Variants in HDAC4 observed in about 807,000 individuals in gnomAD.
The protein encoded by HDAC4 is histone deacetylase A.
In HDAC4, 16 loss-of-function variants were observed where a neutral mutation model predicts 135.1. The ratio of observed to expected loss-of-function variants is 0.12; its 90% CI spans 0.08 to 0.18. HDAC4 has a LOEUF of 0.18. HDAC4 is among the 10% of genes least tolerant of loss of function. HDAC4 has a pLI of 1.00. For synonymous variants in HDAC4, 685 were observed against 653.4 expected (o/e 1.05, Z -0.74); for missense variants, 1,143 against 1,511.8 (o/e 0.76, Z 4.05).
At chr2:239,310,883 G>C (rs1357765813) in intron 2 of HDAC4, among the ~76,000 whole-genome samples, 2 of 152,196 alleles carry the variant, frequency 1.3e-5, no homozygotes, top group Admixed American at 6.5e-5. Flanking sequence ...CCCTGTGCCA[G>C]GTTAGCCACG....
At chr2:239,333,505 AACTG>A (rs1182521922) in intron 2 of HDAC4, among the ~76,000 whole-genome samples, 2 of 152,306 alleles carry the variant, frequency 1.3e-5, no homozygotes, top group East Asian at 1.9e-4. Context: ...ATAAAAATTA[AACTG>A]ACTATAAGCA....
At chr2:239,318,410 C>T (rs944215642) in intron 2 of HDAC4, among the ~76,000 whole-genome samples, 29 of 152,216 alleles carry the variant, frequency 1.9e-4, no homozygotes, top group African/African-American at 5.1e-4. Flanking sequence ...ATAAAAATGA[C>T]GAGGAGACTG....
chr2:239,161,991 C>G (rs746016029), intron 6 of HDAC4: 2 of 400,164 alleles, frequency 5.0e-6, no homozygotes, highest in Non-Finnish European at 1.0e-5. Flanking sequence ...GGCTTCTATT[C>G]CTGCTGGCCT....
chr2:239,279,982 C>A (rs569468324), intron 2 of HDAC4, among the ~76,000 whole-genome samples: 1 of 152,134 alleles, frequency 6.6e-6, no homozygotes, highest in Admixed American at 6.5e-5. Context: ...TCCCACCTCT[C>A]GGGAGCATCT....
intron 11 of HDAC4, among the ~76,000 whole-genome samples, chr2:239,127,641 C>G (rs926546058): frequency 6.6e-6 from 1 of 152,216 alleles, no homozygotes; most frequent in Non-Finnish European, 1.5e-5. Flanking sequence ...GGGCATCTGA[C>G]CGGGTGAAAT....
intron 2 of HDAC4, among the ~76,000 whole-genome samples, chr2:239,336,754 G>A (rs1005511512): frequency 3.9e-5 from 6 of 152,124 alleles, no homozygotes; most frequent in East Asian, 1.9e-4. Flanking sequence ...ACCTTACTAC[G>A]GTATGTTAGT....
rs367910449 is a variant in HDAC4, at chr2:239,146,717, T to C, written c.734-2003A>G. On this transcript the variant is annotated intron_variant, in intron 7 of 26. Transcript: ENST00000543185. The surrounding 1 kb of genome is among the most constrained non-coding windows in gnomAD (Gnocchi z 4.5). ...CCCCTTCCCTCCACTCCCCTCCCCT[T>C]CCCTCCTCTCCCCTTCCACAGGCCT... is the stretch of plus-strand genomic sequence containing the variant. 3.3e-3 allele frequency among the ~76,000 whole-genome samples: 466 copies of C among 142,976 alleles called. 4 individuals are homozygous for C. Among genetic ancestry groups the C allele is most frequent in the African/African-American group, 0.011 (439 of 38,566 alleles). 93.8% of individuals were successfully genotyped at this position (142,976 alleles called of 152,430 possible).
intron 1 of HDAC4, among the ~76,000 whole-genome samples, chr2:239,360,441 G>A (rs75290983): frequency 0.014 from 2,150 of 152,302 alleles, 26 homozygotes; most frequent in Non-Finnish European, 0.023. Context: ...GGTCTGCCCA[G>A]GCACCCTGCC....
intron 12 of HDAC4, among the ~76,000 whole-genome samples, chr2:239,116,938 G>A (rs145856600): frequency 2.0e-4 from 30 of 152,240 alleles, no homozygotes; most frequent in African/African-American, 4.3e-4. Context: ...AGCACCCCCC[G>A]ACCCCAGTCC....
At chr2:239,160,358 T>G (rs2042713876) in intron 6 of HDAC4, among the ~76,000 whole-genome samples, 1 of 152,216 alleles carries the variant, frequency 6.6e-6, no homozygotes. Context: ...TTTCAAGTGC[T>G]CGGGAGCCAC....
rs1419205334 is a variant in HDAC4 at position 239,285,938 on chromosome 2, T to C, written c.23-49274A>G. On this transcript the variant is annotated intron_variant, in intron 2 of 26. Transcript: ENST00000543185. The surrounding 1 kb of genome is among the most constrained non-coding windows in gnomAD (Gnocchi z 4.5). ...GCCTCCTCACTCCCATCCCTCTATT[T>C]CCAAACAGTAAGACCAGCGAGACAT... 6.6e-6 allele frequency among the ~76,000 whole-genome samples: 1 copy of C among 151,800 alleles called. No individual in the cohort carries two copies. The highest frequency in any genetic ancestry group is 2.4e-5 in the African/African-American group (1 of 41,272).
At chr2:239,260,408 C>T (rs565287285) in intron 2 of HDAC4, among the ~76,000 whole-genome samples, 4 of 152,296 alleles carry the variant, frequency 2.6e-5, no homozygotes, top group Admixed American at 6.5e-5. Flanking sequence ...GGTGCTGATA[C>T]GAGTATTAAC....
chr2:239,053,246 CCCTGG>C, intron 26 of HDAC4, 110 bp from the exon 27 acceptor site: 3 of 1,454,148 alleles, frequency 2.1e-6, no homozygotes, highest in Non-Finnish European at 2.9e-6. Context: ...GCCAGCCTAG[CCCTGG>C]CCTGGCAGCC....
intron 2 of HDAC4, among the ~76,000 whole-genome samples, chr2:239,296,399 T>TG (rs1310223665): frequency 1.3e-5 from 2 of 152,212 alleles, no homozygotes; most frequent in African/African-American, 4.8e-5. Context: ...CTGGCCCAGC[T>TG]GGTTTTCTGG....
At chr2:239,305,811 G>T (rs1044509007) in intron 2 of HDAC4, among the ~76,000 whole-genome samples, 5 of 152,090 alleles carry the variant, frequency 3.3e-5, no homozygotes, top group Non-Finnish European at 7.3e-5. Flanking sequence ...ACAATTACAC[G>T]TGCACACAGG....
At chr2:239,284,861 G>A (rs1238364204) in intron 2 of HDAC4, among the ~76,000 whole-genome samples, 1 of 152,182 alleles carries the variant, frequency 6.6e-6, no homozygotes, top group Non-Finnish European at 1.5e-5. Flanking sequence ...ACCCAGGATC[G>A]GGAAACTTTT....
chr2:239,163,966 G>C, intron 5 of HDAC4, 43 bp from the exon 6 acceptor site: 1 of 1,613,196 alleles, frequency 6.2e-7, no homozygotes, highest in Non-Finnish European at 8.5e-7. Context: ...GTGTGGCTCT[G>C]CCCTACAGCA....
At chr2:239,071,690 C>T (rs1488149656) in intron 22 of HDAC4, among the ~76,000 whole-genome samples, 1 of 152,142 alleles carries the variant, frequency 6.6e-6, no homozygotes. Context: ...GAAAGCCGTG[C>T]TCCATCTCCT....
intron 1 of HDAC4, among the ~76,000 whole-genome samples, chr2:239,355,789 C>T (rs1402134274): frequency 1.3e-5 from 2 of 152,154 alleles, no homozygotes; most frequent in South Asian, 2.1e-4. Context: ...CTCACTCCTA[C>T]CCTGTTCTGT....
Sources: gnomAD v4.1 joint callset for allele counts (sites outside exome capture counted in the v4.1 genomes callset) on GRCh38, gnomAD v4.1.1 for gene constraint, Gnocchi (gnomAD v3.1) non-coding constraint, MANE v1.5 for transcripts, NCBI Gene and HGNC (gene_info 2026-07-23, HGNC 2026-07-21) for gene names.